TMEM106B: variants seen among roughly 807,000 people sequenced by gnomAD.
TMEM106B encodes transmembrane protein 106B.
A neutral mutation model predicts 31.1 loss-of-function variants in TMEM106B; 15 were observed. That is an observed-to-expected ratio of 0.48 (90% CI 0.32 to 0.74). The LOEUF (loss-of-function observed/expected upper bound fraction) is 0.74, where lower values mean the gene tolerates loss of function less well. Ranked by LOEUF, TMEM106B falls within the 30% of genes least tolerant of loss-of-function variation. The probability of loss-of-function intolerance (pLI) is 0.03; values close to 1 mark genes in which losing one functional copy is unlikely to be tolerated. For missense variants in TMEM106B, 283 were observed against 327.3 expected (o/e 0.86, Z 1.04); for synonymous variants, 126 against 112.5 (o/e 1.12, Z -0.76).
In TMEM106B at chr7:12,238,224, C is replaced by T. The variant is rs141903869; in HGVS notation, c.*6249C>T. 978 of 169,224 alleles carry T rather than the reference C, an allele frequency of 5.8e-3. 9 individuals carry two copies. The highest frequency in any genetic ancestry group is 0.024 in the South Asian group (126 of 5,258). The allele number at this position is 169,224 out of a possible 1,614,324, so 10.5% of individuals were successfully genotyped here. On this transcript the variant is annotated 3_prime_UTR_variant, in exon 8 of 8. Coordinates refer to ENST00000396668, the MANE Select transcript of TMEM106B (RefSeq NM_001134232.2). ...TCAGCATCTTCACCAGGAGTAGATT[C>T]CAACTCAAGAAACCACTTTCTTAGC...
In TMEM106B at chr7:12,214,456, ATGACCT is replaced by A. The variant is rs1252669057; in HGVS notation, c.-2-352_-2-347del. 4.1e-5 allele frequency: 8 copies of A among 194,504 alleles called. No homozygotes were observed. The East Asian group carries it at 1.0e-3, about 25-fold the overall frequency. 12.0% of individuals were successfully genotyped at this position (194,504 alleles called of 1,614,324 possible). A position where few individuals can be genotyped will look rare whatever the true frequency, so the allele number is the denominator to read the frequency against. ...AATCTTTAAATCCACCTATGCACCTATGACCTGGACACCCCCCAGCCTTCCACCCCT... is the reference window on the plus strand; with the variant it reads ...AATCTTTAAATCCACCTATGCACCTAGGACACCCCCCAGCCTTCCACCCCT... On this transcript the variant is annotated intron_variant, in intron 1 of 7. Coordinates refer to ENST00000396668, the MANE Select transcript of TMEM106B (RefSeq NM_001134232.2).
chr7:12,228,871 T>A (rs927791444), intron 4 of TMEM106B, among the ~76,000 whole-genome samples: 2 of 152,094 alleles, frequency 1.3e-5, no homozygotes, highest in African/African-American at 4.8e-5. Context: ...AATTTGAGCA[T>A]TGTAAAATAT....
rs566171701 is a variant in TMEM106B, at chr7:12,213,817, TA to T, written c.-2-988del. Among the ~76,000 whole-genome samples the T allele has an allele frequency of 1.4e-3, 211 of 152,282 alleles. 1 individual carries two copies. The Middle Eastern group carries it at 0.02, about 15-fold the overall frequency. On this transcript the variant is annotated intron_variant, in intron 1 of 7. Coordinates refer to ENST00000396668, the MANE Select transcript of TMEM106B (RefSeq NM_001134232.2). Reference sequence around the variant, plus strand: ...TAATGTTTGTTCTGTAAACCAAAAATAAAATTCTGAGCCCCCCAACTAAGTG... The same window carrying T: ...TAATGTTTGTTCTGTAAACCAAAAATAAATTCTGAGCCCCCCAACTAAGTG...
At position 12,225,192 on chromosome 7, in the gene TMEM106B, T is replaced by G. The variant is rs571020165; in HGVS notation, c.441+807T>G. Among the ~76,000 whole-genome samples, 8 of 152,358 alleles carry G rather than the reference T, an allele frequency of 5.3e-5. No homozygotes were observed. In the East Asian group the frequency reaches 1.5e-3, roughly 29 times the overall value. On this transcript the variant is annotated intron_variant, in intron 4 of 7. Coordinates refer to ENST00000396668, the MANE Select transcript of TMEM106B (RefSeq NM_001134232.2). ...TTCATCCACGTCCCTACAAAGGACATGAACTCATCCTTTTTTATGGCTGTA... is the reference window on the plus strand; with the variant it reads ...TTCATCCACGTCCCTACAAAGGACAGGAACTCATCCTTTTTTATGGCTGTA...
At chr7:12,217,643 A>G (rs979734081) in intron 2 of TMEM106B, among the ~76,000 whole-genome samples, 5 of 152,196 alleles carry the variant, frequency 3.3e-5, no homozygotes, top group Admixed American at 6.6e-5. Flanking sequence ...TAAACACACA[A>G]AGATACAGAT....
intron 3 of TMEM106B, among the ~76,000 whole-genome samples, chr7:12,223,048 T>A (rs1781818481): frequency 6.6e-6 from 1 of 152,154 alleles, no homozygotes; most frequent in African/African-American, 2.4e-5. Flanking sequence ...AAGGATGTTG[T>A]GGGCATCCAA....
chr7:12,215,655 C>G (rs1340556038), intron 2 of TMEM106B: 1 of 378,990 alleles, frequency 2.6e-6, no homozygotes, highest in Non-Finnish European at 5.7e-6. Context: ...TGGGCTCAAG[C>G]GATCATCCAG....
chr7:12,228,370 T>A (rs1009991788), intron 4 of TMEM106B, among the ~76,000 whole-genome samples: 11 of 151,890 alleles, frequency 7.2e-5, no homozygotes, highest in South Asian at 6.2e-4. Context: ...TCAGTATTTT[T>A]AAAAAATATT....
chr7:12,212,473 G>A (rs1781600067), intron 1 of TMEM106B, among the ~76,000 whole-genome samples: 1 of 146,958 alleles, frequency 6.8e-6, no homozygotes, highest in Non-Finnish European at 1.5e-5. Flanking sequence ...GATGTGGGCA[G>A]TGATTTTTAT....
At chr7:12,229,949 G>C (rs13237715) in intron 5 of TMEM106B, 130 bp downstream of exon 5, 443,137 of 1,031,100 alleles carry the variant, frequency 0.43, 100,793 homozygotes, top group African/African-American at 0.66. Flanking sequence ...GGGTACAGTG[G>C]CTCATGCCTG....
Position 12,237,883 on chromosome 7 carries a change from C to A in TMEM106B, c.*5908C>A, listed in dbSNP as rs1353791714. ...ATTGCTAAAAAATGTTAACGATCATCTGAATGTTCAGAAGTTTATACTCCT... is the reference window on the plus strand; with the variant it reads ...ATTGCTAAAAAATGTTAACGATCATATGAATGTTCAGAAGTTTATACTCCT... On this transcript the variant is annotated 3_prime_UTR_variant, in exon 8 of 8. Transcript: ENST00000396668. The A allele has an allele frequency of 6.6e-6, 1 of 151,730 alleles. No homozygotes were observed. The highest frequency in any genetic ancestry group is 2.0e-4 in the East Asian group (1 of 5,126). The allele number at this position is 151,730 out of a possible 1,614,324, so 9.4% of individuals were successfully genotyped here.
In TMEM106B at chr7:12,237,352, T is replaced by C. The variant is rs1782158373; in HGVS notation, c.*5377T>C. On this transcript the variant is annotated 3_prime_UTR_variant, in exon 8 of 8. Transcript: ENST00000396668. ...TTACCTTTAATCCTTTTCATCCTTA[T>C]AGTCCTTACCTGAACTCTACTTTAG... The C allele has an allele frequency of 1.3e-5, 2 of 151,266 alleles. No individual in the cohort carries two copies. The highest frequency in any genetic ancestry group is 6.6e-5 in the Admixed American group (1 of 15,158). The allele number at this position is 151,266 out of a possible 1,614,324, so 9.4% of individuals were successfully genotyped here.
chr7:12,229,885 T>C, intron 5 of TMEM106B, 66 bp downstream of exon 5: 2 of 1,486,926 alleles, frequency 1.3e-6, no homozygotes, highest in Non-Finnish European at 1.8e-6. Flanking sequence ...ATCATATAAC[T>C]TGAAGGAGGT....
chr7:12,214,700 G>A (rs1322036325), intron 1 of TMEM106B, 109 bp from the exon 2 acceptor site: 2 of 969,176 alleles, frequency 2.1e-6, no homozygotes, highest in East Asian at 5.3e-5. Flanking sequence ...ATTTTACAGA[G>A]TTTGACTGTT....
intron 2 of TMEM106B, 48 bp downstream of exon 2, chr7:12,215,075 C>A: frequency 6.6e-7 from 1 of 1,526,516 alleles, no homozygotes; most frequent in South Asian, 1.2e-5. Context: ...TAGGTATTTG[C>A]TCAAGTATTA....
intron 5 of TMEM106B, 26 bp downstream of exon 5, chr7:12,229,845 G>A: frequency 6.3e-7 from 1 of 1,581,684 alleles, no homozygotes; most frequent in Non-Finnish European, 8.6e-7. Flanking sequence ...GAAATACTTT[G>A]TAAGAGTTAA....
At chr7:12,215,070 A>G (rs775381947) in intron 2 of TMEM106B, 43 bp downstream of exon 2, 3 of 1,549,916 alleles carry the variant, frequency 1.9e-6, no homozygotes, top group Non-Finnish European at 2.6e-6. Context: ...GATTTTAGGT[A>G]TTTGCTCAAG....
chr7:12,213,713 CTTTG>C (rs925864842), intron 1 of TMEM106B, among the ~76,000 whole-genome samples: 3 of 152,118 alleles, frequency 2.0e-5, no homozygotes, highest in Non-Finnish European at 4.4e-5. Context: ...TAAATGGCTC[CTTTG>C]TTTCAGACAT....
chr7:12,218,644 T>A, intron 3 of TMEM106B, 123 bp downstream of exon 3: 1 of 732,436 alleles, frequency 1.4e-6, no homozygotes, highest in East Asian at 2.8e-5. Flanking sequence ...GTAGTTAAAT[T>A]ATGTCATCAT....
Sources: allele counts gnomAD v4.1 joint callset (sites outside exome capture counted in the v4.1 genomes callset), GRCh38; gene constraint gnomAD v4.1.1; transcripts MANE v1.5; gene names NCBI Gene and HGNC (gene_info 2026-07-23, HGNC 2026-07-21).